The following NUP58 variants were observed in gnomAD, a reference collection of about 807,000 sequenced individuals.
NUP58 encodes the protein nucleoporin 58, also known as nucleoporin p58/p45.
NUP58 carries 17 observed loss-of-function variants against 70.1 expected under a neutral mutation model. The ratio of observed to expected loss-of-function variants is 0.24; its 90% CI spans 0.17 to 0.36. NUP58 has a LOEUF of 0.36. NUP58 is among the 10% of genes least tolerant of loss of function. The pLI, the probability that NUP58 is intolerant of heterozygous loss-of-function variation, is 1.00. For missense variants in NUP58, 644 were observed against 701.5 expected (o/e 0.92, Z 0.93); for synonymous variants, 275 against 257.6 (o/e 1.07, Z -0.65).
chr13:25,321,629 ATAG>A (rs1319850495), intron 9 of NUP58, among the ~76,000 whole-genome samples: 20 of 152,240 alleles, frequency 1.3e-4, no homozygotes, highest in Non-Finnish European at 1.5e-5. Context: ...TAGTTTAAAA[ATAG>A]TAGGCCGGCC....
intron 10 of NUP58, 50 bp downstream of exon 10, chr13:25,325,118 G>T: frequency 7.7e-7 from 1 of 1,300,232 alleles, no homozygotes; most frequent in Non-Finnish European, 1.1e-6. Context: ...TCAGAAAGCA[G>T]AACAGTAATA....
chr13:25,321,473 G>A (rs916833752), intron 9 of NUP58, among the ~76,000 whole-genome samples: 2 of 152,184 alleles, frequency 1.3e-5, no homozygotes, highest in African/African-American at 4.8e-5. Context: ...TTTCGTAAGT[G>A]TGGTTGCTGG....
chr13:25,313,673 T>C lies in NUP58; in HGVS notation c.496T>C (p.Ser166Pro), dbSNP rs12871608. The change falls in exon 5 of 16, where the codon TCA becomes CCA. Residue 166 changes from serine (S) to proline (P), a missense_variant. Physicochemically the swap from Ser to Pro is moderately conservative, Grantham distance 74. This residue lies in a region of NUP58 where 430 missense variants were observed against 409.2 expected (regional missense o/e 1.05). Transcript: ENST00000381736. ...GACAACAGCCACAACTACAACTGCATCAACAGGCCTCTCTTTAGGGGGAGC... is the reference window on the plus strand; with the variant it reads ...GACAACAGCCACAACTACAACTGCACCAACAGGCCTCTCTTTAGGGGGAGC... ...GGTTATTTTA[S>P]TGLSLGGALA... 0.039 allele frequency: 60,114 copies of C among 1,529,780 alleles called. 1,363 individuals are homozygous for C. The highest frequency in any genetic ancestry group is 0.045 in the Non-Finnish European group (51,816 of 1,151,550). The allele number at this position is 1,529,780 out of a possible 1,614,324, so 94.8% of individuals were successfully genotyped here. A position where few individuals can be genotyped will look rare whatever the true frequency, so the allele number is the denominator to read the frequency against.
At chr13:25,319,292 A>T (rs536575946) in intron 6 of NUP58, 34 bp from the exon 7 acceptor site, 11 of 1,594,482 alleles carry the variant, frequency 6.9e-6, no homozygotes, top group South Asian at 6.6e-5. Flanking sequence ...TCAATTACCA[A>T]TTTTTTTTAC....
chr13:25,302,066 T>C (rs2030040466), intron 1 of NUP58, among the ~76,000 whole-genome samples, 186 bp downstream of exon 1: 1 of 152,220 alleles, frequency 6.6e-6, no homozygotes, highest in Admixed American at 6.5e-5. Context: ...CAGCGCGGCC[T>C]GGTGAAGTGG....
intron 13 of NUP58, among the ~76,000 whole-genome samples, chr13:25,336,545 T>G (rs1236688598): frequency 6.6e-6 from 1 of 152,108 alleles, no homozygotes; most frequent in African/African-American, 2.4e-5. Flanking sequence ...TTACTGATTA[T>G]ACCAACTAGT....
chr13:25,311,944 A>G (rs1593179274), intron 3 of NUP58, among the ~76,000 whole-genome samples: 2 of 152,174 alleles, frequency 1.3e-5, no homozygotes, highest in African/African-American at 4.8e-5. Context: ...GGTTGGAGAT[A>G]TAGCAAAAAA....
intron 4 of NUP58, 71 bp from the exon 5 acceptor site, chr13:25,313,543 C>T (rs1228056843): frequency 9.9e-6 from 13 of 1,310,410 alleles, no homozygotes; most frequent in South Asian, 6.4e-5. Context: ...TTAAAAACAT[C>T]GTATTTGTAT....
intron 13 of NUP58, chr13:25,334,445 T>C (rs566934684): frequency 2.0e-6 from 2 of 985,356 alleles, no homozygotes; most frequent in African/African-American, 1.7e-5. Context: ...TTTAGCTTAG[T>C]GTAGGTTTGG....
At position 25,306,185 on chromosome 13, in the gene NUP58, C is replaced by T. The variant is rs2030346843; in HGVS notation, c.108-1621C>T. 2.0e-5 allele frequency among the ~76,000 whole-genome samples: 3 copies of T among 152,108 alleles called. No homozygotes were observed. In the South Asian group the frequency reaches 6.2e-4, roughly 32 times the overall value. On this transcript the variant is annotated intron_variant, in intron 1 of 15. Coordinates refer to ENST00000381736, the MANE Select transcript of NUP58 (RefSeq NM_014089.4). Reference sequence around the variant, plus strand: ...CTTTGGGAGGCCGAGGCAGGTGGATCACGAGGTCAGGAGATTGAGACCATC... The same window carrying T: ...CTTTGGGAGGCCGAGGCAGGTGGATTACGAGGTCAGGAGATTGAGACCATC...
downstream of NUP58, among the ~76,000 whole-genome samples, chr13:25,347,146 C>A (rs1424319858): frequency 6.6e-6 from 1 of 152,142 alleles, no homozygotes; most frequent in Non-Finnish European, 1.5e-5. Context: ...ACTGACCCTT[C>A]ACATGAGGTC....
At chr13:25,346,318 C>T (rs1324845861), downstream of NUP58, among the ~76,000 whole-genome samples, 1 of 152,138 alleles carries the variant, frequency 6.6e-6, no homozygotes, top group African/African-American at 2.4e-5. Context: ...CACCACTCAA[C>T]TAGCAAGTGA....
intron 6 of NUP58, among the ~76,000 whole-genome samples, chr13:25,318,949 C>T (rs1224971850): frequency 1.3e-5 from 2 of 152,092 alleles, no homozygotes; most frequent in Admixed American, 6.6e-5. Context: ...ATATTTTTCA[C>T]GGAAGATGGT....
chr13:25,308,050 C>T (rs1301642936), intron 2 of NUP58, 102 bp downstream of exon 2: 3 of 1,326,496 alleles, frequency 2.3e-6, no homozygotes, highest in African/African-American at 2.9e-5. Flanking sequence ...TGGTAGTAGA[C>T]CTTAAAAAAT....
At position 25,331,545 on chromosome 13, in the gene NUP58, A is replaced by G. The variant is rs1250846025; in HGVS notation, c.1422A>G (p.Gln474=). 6.2e-7 allele frequency: 1 copy of G among 1,613,932 alleles called. No individual in the cohort carries two copies. Among genetic ancestry groups the G allele is most frequent in the Admixed American group, 1.7e-5 (1 of 59,988 alleles). ...VAMAATLTQQ[Q]QPATGPQPSL... ...TGGCTGCAACACTTACACAGCAGCA[A>G]CAGCCTGCTACAGGTCTGAACGCAT... is the stretch of plus-strand genomic sequence containing the variant. Residue 474 remains glutamine, a synonymous_variant, in exon 13 of 16, where the codon CAA becomes CAG. Transcript: ENST00000381736.
At position 25,341,179 on chromosome 13, in the gene NUP58, T is replaced by C. The variant is rs2031944575; in HGVS notation, c.*1045T>C. 1 of 152,360 alleles carries C rather than the reference T, an allele frequency of 6.6e-6. No homozygotes were observed. The highest frequency in any genetic ancestry group is 1.5e-5 in the Non-Finnish European group (1 of 68,048). 9.4% of individuals were successfully genotyped at this position (152,360 alleles called of 1,614,324 possible). On this transcript the variant is annotated 3_prime_UTR_variant, in exon 16 of 16. Transcript: ENST00000381736. ...CCATTTTTGTTTCCACCTTAACCTA[T>C]AGCAGCTCCTCCAAATGAGGAATGC... is the stretch of plus-strand genomic sequence containing the variant.
At chr13:25,346,135 A>T (rs375223827), downstream of NUP58, among the ~76,000 whole-genome samples, 10 of 152,200 alleles carry the variant, frequency 6.6e-5, no homozygotes, top group South Asian at 2.1e-3. Flanking sequence ...GAATATAAAT[A>T]CATATGGGTA....
At chr13:25,325,095 A>T (rs1043618612) in intron 10 of NUP58, 27 bp downstream of exon 10, 1 of 1,490,554 alleles carries the variant, frequency 6.7e-7, no homozygotes, top group Non-Finnish European at 9.3e-7. Flanking sequence ...TTAAAAACAA[A>T]TGTTTCTCAC....
At chr13:25,327,995 T>C (rs2031463015) in intron 12 of NUP58, among the ~76,000 whole-genome samples, 2 of 152,168 alleles carry the variant, frequency 1.3e-5, no homozygotes, top group South Asian at 2.1e-4. Flanking sequence ...AGTCAGGAGT[T>C]CAAGACCAGC....
Sources: allele counts gnomAD v4.1 joint callset (sites outside exome capture counted in the v4.1 genomes callset), GRCh38; gene constraint gnomAD v4.1.1; regional missense constraint gnomAD v4.1.1; transcripts MANE v1.5; gene names NCBI Gene and HGNC (gene_info 2026-07-23, HGNC 2026-07-21).